The following LIN52 variants were observed in gnomAD, a reference collection of about 807,000 sequenced individuals.
LIN52 encodes protein lin-52 homolog.
A neutral mutation model predicts 18.5 loss-of-function variants in LIN52; 4 were observed. The observed-to-expected ratio is 0.22, with a 90% CI of 0.11 to 0.49. The LOEUF is 0.49. Among genes scored for constraint, LIN52 ranks in the 20% least tolerant of loss-of-function variants. The probability of loss-of-function intolerance (pLI) is 0.97; values close to 1 mark genes in which losing one functional copy is unlikely to be tolerated. For synonymous variants in LIN52, 34 were observed against 45.5 expected (o/e 0.75, Z 1.02); for missense variants, 102 against 139.5 (o/e 0.73, Z 1.35).
intron 5 of LIN52, among the ~76,000 whole-genome samples, chr14:74,198,276 C>G (rs1056881998): frequency 6.6e-6 from 1 of 152,136 alleles, no homozygotes. Flanking sequence ...CTATAGCATT[C>G]AAAGATTGAT....
chr14:74,086,579 C>T (rs957833514), intron 1 of LIN52, among the ~76,000 whole-genome samples: 1 of 151,810 alleles, frequency 6.6e-6, no homozygotes. Flanking sequence ...CTCTTGAGCC[C>T]AGGGGGTGGA....
At chr14:74,189,263 G>A (rs901642530) in intron 5 of LIN52, among the ~76,000 whole-genome samples, 2 of 152,160 alleles carry the variant, frequency 1.3e-5, no homozygotes, top group African/African-American at 4.8e-5. Context: ...CATAATAAGT[G>A]TTTCACCAGG....
rs1226061303 is a variant in LIN52 at position 74,145,759 on chromosome 14, A to G, written c.283+44521A>G. On this transcript the variant is annotated intron_variant, in intron 5 of 5. Transcript: ENST00000555028. ...ATTCAAGCTTAGACATTTCTGGCAC[A>G]AAGTGTTTTGTTTTTTTGTTTGTTT... Among the ~76,000 whole-genome samples the G allele has an allele frequency of 5.3e-5, 8 of 152,342 alleles. No individual in the cohort carries two copies. In the East Asian group the frequency reaches 1.5e-3, roughly 29 times the overall value.
At chr14:74,154,759 G>A (rs116999221) in intron 5 of LIN52, among the ~76,000 whole-genome samples, 13 of 152,344 alleles carry the variant, frequency 8.5e-5, no homozygotes, top group Non-Finnish European at 1.8e-4. Flanking sequence ...GAAGACGTAA[G>A]ATTAAAACAG....
chr14:74,097,709 C>A, intron 3 of LIN52, 85 bp from the exon 4 acceptor site: 2 of 1,009,322 alleles, frequency 2.0e-6, no homozygotes, highest in South Asian at 1.4e-5. Flanking sequence ...GCCACCGCAT[C>A]CGGCCCAGGC....
At chr14:74,172,095 G>A (rs180823703) in intron 5 of LIN52, among the ~76,000 whole-genome samples, 9 of 152,146 alleles carry the variant, frequency 5.9e-5, no homozygotes, top group Non-Finnish European at 1.2e-4. Context: ...TGTCTGTAAT[G>A]TTTGAAACAT....
At chr14:74,146,731 T>C (rs1009878334) in intron 5 of LIN52, among the ~76,000 whole-genome samples, 1 of 152,040 alleles carries the variant, frequency 6.6e-6, no homozygotes, top group South Asian at 2.1e-4. Flanking sequence ...AAAACAATCT[T>C]GAAAAAGAAC....
intron 5 of LIN52, among the ~76,000 whole-genome samples, chr14:74,195,766 T>TG (rs1040454452): frequency 1.3e-5 from 2 of 152,086 alleles, no homozygotes; most frequent in African/African-American, 2.4e-5. Context: ...TCACTAGGTT[T>TG]GGGGGGGTTC....
chr14:74,146,382 G>C (rs2061152576), intron 5 of LIN52, among the ~76,000 whole-genome samples: 1 of 152,026 alleles, frequency 6.6e-6, no homozygotes, highest in Non-Finnish European at 1.5e-5. Flanking sequence ...TCATGTGTAA[G>C]AGTACTGTTA....
chr14:74,175,751 C>CACACA (rs778907221), intron 5 of LIN52, among the ~76,000 whole-genome samples: 1 of 130,184 alleles, frequency 7.7e-6, no homozygotes. Context: ...CACACACACA[C>CACACA]CCCCATTATA....
chr14:74,114,326 C>T, intron 5 of LIN52: 2 of 985,220 alleles, frequency 2.0e-6, no homozygotes, highest in Non-Finnish European at 2.4e-6. Flanking sequence ...CTTTAGGAGG[C>T]ATTGGTGCAC....
At chr14:74,177,937 C>T (rs537381019) in intron 5 of LIN52, among the ~76,000 whole-genome samples, 1 of 152,200 alleles carries the variant, frequency 6.6e-6, no homozygotes, top group East Asian at 1.9e-4. Flanking sequence ...GCCACCAGGC[C>T]TGGCTAATTT....
chr14:74,161,594 C>G (rs921389598), intron 5 of LIN52, among the ~76,000 whole-genome samples: 3 of 152,238 alleles, frequency 2.0e-5, no homozygotes, highest in African/African-American at 7.2e-5. Flanking sequence ...AAGCTGCTAA[C>G]CCCTAGGACT....
At chr14:74,163,004 A>G (rs2061232654) in intron 5 of LIN52, among the ~76,000 whole-genome samples, 1 of 152,232 alleles carries the variant, frequency 6.6e-6, no homozygotes, top group African/African-American at 2.4e-5. Context: ...ACAATTAAGT[A>G]AGAAAATGGA....
chr14:74,158,125 A>T (rs58067221), intron 5 of LIN52, among the ~76,000 whole-genome samples: 136,286 of 147,746 alleles, frequency 0.92, 62,907 homozygotes, highest in Non-Finnish European at 0.94. Context: ...ATATATATAT[A>T]TTTTTTTGAG....
chr14:74,158,641 G>A (rs1039015381), intron 5 of LIN52, among the ~76,000 whole-genome samples: 3 of 151,920 alleles, frequency 2.0e-5, no homozygotes, highest in Non-Finnish European at 2.9e-5. Context: ...ACCACGCCCG[G>A]CTAATTTTGT....
chr14:74,107,972 TACA>T (rs2060907157), intron 5 of LIN52, among the ~76,000 whole-genome samples: 1 of 152,164 alleles, frequency 6.6e-6, no homozygotes, highest in South Asian at 2.1e-4. Flanking sequence ...CAACCAATTT[TACA>T]ACATTTTCAT....
intron 5 of LIN52, among the ~76,000 whole-genome samples, chr14:74,180,904 T>TC: frequency 1.3e-5 from 2 of 149,076 alleles, no homozygotes; most frequent in Admixed American, 1.3e-4. Context: ...AGCCAAGGAG[T>TC]TCAAGACCAG....
intron 5 of LIN52, chr14:74,174,543 G>A: frequency 6.6e-6 from 1 of 152,376 alleles, no homozygotes. Flanking sequence ...GTTCTAGCCT[G>A]TAGTGCGCTA....
Sources: gnomAD v4.1 joint callset for allele counts (sites outside exome capture counted in the v4.1 genomes callset) on GRCh38, gnomAD v4.1.1 for gene constraint, MANE v1.5 for transcripts, NCBI Gene and HGNC (gene_info 2026-07-23, HGNC 2026-07-21) for gene names.